TUSC3: variants seen among roughly 807,000 people sequenced by gnomAD.
TUSC3 encodes the protein tumor suppressor candidate 3.
Under a neutral mutation model 44.8 loss-of-function variants are expected in TUSC3, and 45 were observed. The observed-to-expected ratio is 1.00, with a 90% CI of 0.79 to 1.29. The LOEUF (loss-of-function observed/expected upper bound fraction) is 1.29. TUSC3 is among the 50% of genes most tolerant of loss of function. TUSC3 has a pLI of 0.00. For missense variants in TUSC3, 519 were observed against 437.9 expected, an observed-to-expected ratio of 1.19 and a Z score of -1.65; for synonymous variants, 212 against 152.9, an observed-to-expected ratio of 1.39 and a Z score of -2.85.
Position 15,712,236 on chromosome 8 carries a change from A to G in TUSC3, c.799-18430A>G, listed in dbSNP as rs181308940. On this transcript the variant is annotated intron_variant, in intron 6 of 10. Transcript: ENST00000503731. ...TCTAATTCATTCTTCGTCTTCAGAC[A>G]TGATATAAATTTCCTTGTTTTAATG... Among the ~76,000 whole-genome samples the G allele has an allele frequency of 2.5e-4, 38 of 152,146 alleles. 1 individual carries two copies. The highest frequency in any genetic ancestry group is 1.0e-3 in the South Asian group (5 of 4,830).
intron 1 of TUSC3, among the ~76,000 whole-genome samples, chr8:15,563,685 C>CAAAAAAAAAAAAAAAAAAAAAAA (rs150368776): frequency 6.3e-5 from 5 of 79,964 alleles, no homozygotes; most frequent in East Asian, 3.7e-4. Flanking sequence ...GCCTCCATCT[C>CAAAAAAAAAAAAAAAAAAAAAAA]AAAAAAAAAA....
intron 1 of TUSC3, among the ~76,000 whole-genome samples, chr8:15,473,682 T>G (rs1800528275): frequency 6.6e-6 from 1 of 152,262 alleles, no homozygotes; most frequent in South Asian, 2.1e-4. Flanking sequence ...CAAGTTTTAT[T>G]AAGGACTTCA....
rs185888320 is a variant in TUSC3 at position 15,731,205 on chromosome 8, G to C, written c.862+476G>C. On this transcript the variant is annotated intron_variant, in intron 7 of 10. Coordinates refer to ENST00000503731, the MANE Select transcript of TUSC3 (RefSeq NM_006765.4). ...GAGTCAGACTAAGTGTTGTGAATCA[G>C]ATCATACAATGTAATTTATGATTTG... 5.9e-5 allele frequency among the ~76,000 whole-genome samples: 9 copies of C among 152,178 alleles called. No individual in the cohort carries two copies. The South Asian group carries it at 8.3e-4, about 14-fold the overall frequency.
chr8:15,526,494 T>A (rs1801374691), intron 2 of TUSC3, among the ~76,000 whole-genome samples: 3 of 152,108 alleles, frequency 2.0e-5, no homozygotes, highest in African/African-American at 7.2e-5. Context: ...CAGTGGGAGA[T>A]AATTGAATGG....
At chr8:15,641,375 AAAAAG>A (rs1806362338) in intron 2 of TUSC3, among the ~76,000 whole-genome samples, 1 of 151,800 alleles carries the variant, frequency 6.6e-6, no homozygotes, top group South Asian at 2.1e-4. Context: ...AAAAAAAAAA[AAAAAG>A]AAAAGTTGCA....
chr8:15,843,766 A>T, the TUSC3 span, among the ~76,000 whole-genome samples: 1 of 151,928 alleles, frequency 6.6e-6, no homozygotes, highest in Non-Finnish European at 1.5e-5. Context: ...TGTGTTCCAG[A>T]TTATATACTT....
chr8:15,523,686 G>GTATATATATATATATA lies in TUSC3; in HGVS notation n.189+40204_189+40205insATATATATATATATAT, dbSNP rs1239992834. 9.8e-4 allele frequency among the ~76,000 whole-genome samples: 45 copies of GTATATATATATATATA among 46,096 alleles called. 1 individual carries two copies. Among genetic ancestry groups the GTATATATATATATATA allele is most frequent in the Non-Finnish European group, 1.7e-3 (38 of 22,894 alleles). 30.2% of individuals were successfully genotyped at this position (46,096 alleles called of 152,430 possible). On this transcript the variant is annotated intron_variant and non_coding_transcript_variant, in intron 2 of 5. Coordinates refer to the TUSC3 transcript ENST00000503191. ...TATATGTGTGTGTGTGTGTGTGTGT[G>GTATATATATATATATA]TGTGTGTGTGTGTGTGTGTGTGTAT...
the TUSC3 span, among the ~76,000 whole-genome samples, chr8:15,776,091 G>C: frequency 6.6e-6 from 1 of 151,920 alleles, no homozygotes; most frequent in East Asian, 1.9e-4. Flanking sequence ...TAAAGCACTG[G>C]CATCTTATCA....
intron 9 of TUSC3, among the ~76,000 whole-genome samples, chr8:15,753,220 C>A (rs531886473): frequency 6.6e-6 from 1 of 151,888 alleles, no homozygotes; most frequent in Admixed American, 6.6e-5. Flanking sequence ...TTCTACTGTC[C>A]AATTTAAAAA....
chr8:15,631,342 A>AT (rs1805754771), intron 2 of TUSC3, among the ~76,000 whole-genome samples: 1 of 152,184 alleles, frequency 6.6e-6, no homozygotes, highest in Non-Finnish European at 1.5e-5. Flanking sequence ...TACTGTTTAC[A>AT]GCAAACGTTC....
chr8:15,514,077 C>T (rs1360417814), intron 2 of TUSC3, among the ~76,000 whole-genome samples: 2 of 152,176 alleles, frequency 1.3e-5, no homozygotes, highest in Non-Finnish European at 2.9e-5. Context: ...TGCGCCACCA[C>T]TTCCCAAATA....
intron 1 of TUSC3, among the ~76,000 whole-genome samples, chr8:15,470,351 C>T (rs981466052): frequency 1.3e-5 from 2 of 151,428 alleles, no homozygotes; most frequent in African/African-American, 2.4e-5. Context: ...ATACAACTAA[C>T]GTTCATGATA....
At chr8:15,698,973 A>C (rs991702855) in intron 6 of TUSC3, among the ~76,000 whole-genome samples, 1 of 151,660 alleles carries the variant, frequency 6.6e-6, no homozygotes, top group African/African-American at 2.4e-5. Context: ...CAGCCTCCTT[A>C]GTAGCTGGGA....
intron 1 of TUSC3, among the ~76,000 whole-genome samples, chr8:15,446,249 G>A (rs1800095931): frequency 6.6e-6 from 1 of 151,384 alleles, no homozygotes; most frequent in South Asian, 2.1e-4. Context: ...TAGATGGGAT[G>A]GCGGCCGGGA....
At chr8:15,534,904 G>C (rs141300381) in intron 2 of TUSC3, among the ~76,000 whole-genome samples, 1 of 152,204 alleles carries the variant, frequency 6.6e-6, no homozygotes. Context: ...CAGTCTGTGA[G>C]TGGTTGAAGT....
chr8:15,739,823 C>T (rs150109552), intron 7 of TUSC3, among the ~76,000 whole-genome samples: 4 of 152,256 alleles, frequency 2.6e-5, no homozygotes, highest in African/African-American at 9.6e-5. Flanking sequence ...TATCATCTTA[C>T]TTCATTACTT....
At chr8:15,504,607 A>T (rs1585068734) in intron 2 of TUSC3, among the ~76,000 whole-genome samples, 1 of 25,118 alleles carries the variant, frequency 4.0e-5, no homozygotes, top group Non-Finnish European at 6.9e-5. Flanking sequence ...ATATATATAT[A>T]TATATATATA....
At chr8:15,438,788 A>G (rs1439596527) in intron 1 of TUSC3, among the ~76,000 whole-genome samples, 1 of 152,160 alleles carries the variant, frequency 6.6e-6, no homozygotes, top group African/African-American at 2.4e-5. Flanking sequence ...TCTCCTGACA[A>G]TCCTAGGAGC....
At chr8:15,675,864 C>T (rs1240171053) in intron 6 of TUSC3, among the ~76,000 whole-genome samples, 1 of 152,098 alleles carries the variant, frequency 6.6e-6, no homozygotes, top group African/African-American at 2.4e-5. Flanking sequence ...GCTTCCATAT[C>T]TTTGGTATTG....
Sources: gnomAD v4.1 joint callset for allele counts (sites outside exome capture counted in the v4.1 genomes callset) on GRCh38, gnomAD v4.1.1 for gene constraint, MANE v1.5 for transcripts, NCBI Gene and HGNC (gene_info 2026-07-23, HGNC 2026-07-21) for gene names.